SPAG17: variants seen among roughly 807,000 people sequenced by gnomAD.
SPAG17 encodes sperm-associated antigen 17.
Under a neutral mutation model 273.6 loss-of-function variants are expected in SPAG17, and 169 were observed. The observed-to-expected ratio is 0.62, with a 90% CI of 0.55 to 0.70. The LOEUF (loss-of-function observed/expected upper bound fraction) is 0.70. SPAG17 is among the 30% of genes least tolerant of loss of function. The probability of loss-of-function intolerance (pLI) is 0.00; values close to 1 mark genes in which losing one functional copy is unlikely to be tolerated. For synonymous variants in SPAG17, 825 were observed against 873.2 expected (o/e 0.94, Z 0.97); for missense variants, 2,557 against 2,627.8 (o/e 0.97, Z 0.59).
At chr1:118,077,342 T>C (rs1166476714) in intron 15 of SPAG17, among the ~76,000 whole-genome samples, 1 of 152,062 alleles carries the variant, frequency 6.6e-6, no homozygotes, top group Non-Finnish European at 1.5e-5. Context: ...GAAACACTTA[T>C]GGCCCTGAGA....
chr1:118,033,630 C>A (rs1173863373), intron 24 of SPAG17, among the ~76,000 whole-genome samples: 1 of 152,184 alleles, frequency 6.6e-6, no homozygotes, highest in Non-Finnish European at 1.5e-5. Flanking sequence ...ATGTCACCTC[C>A]CTTACTTAAA....
At chr1:118,165,739 G>A (rs906642745) in intron 1 of SPAG17, among the ~76,000 whole-genome samples, 1 of 138,190 alleles carries the variant, frequency 7.2e-6, no homozygotes, top group African/African-American at 2.8e-5. Context: ...TCCGCCTCCC[G>A]GGTTCACGCC....
At chr1:117,987,596 T>G (rs1172531797) in intron 40 of SPAG17, among the ~76,000 whole-genome samples, 2 of 152,218 alleles carry the variant, frequency 1.3e-5, no homozygotes. Flanking sequence ...TAAAGCACAT[T>G]GAGGGCCTAG....
intron 1 of SPAG17, among the ~76,000 whole-genome samples, chr1:118,182,249 G>A (rs1570843176): frequency 6.6e-6 from 1 of 152,086 alleles, no homozygotes; most frequent in African/African-American, 2.4e-5. Context: ...GTCAAATTTG[G>A]AGAGAAAGAA....
chr1:118,032,813 C>T (rs1382786410), intron 24 of SPAG17, among the ~76,000 whole-genome samples: 2 of 151,922 alleles, frequency 1.3e-5, no homozygotes, highest in South Asian at 4.2e-4. Context: ...AAGCTGGTCT[C>T]GAACTCCTGA....
intron 30 of SPAG17, 147 bp from the exon 31 acceptor site, chr1:118,008,345 A>C: frequency 1.2e-6 from 1 of 821,142 alleles, no homozygotes; most frequent in Non-Finnish European, 1.9e-6. Context: ...AGTACTGAGA[A>C]CTCCACAGGG....
chr1:117,994,529 G>A lies in SPAG17; in HGVS notation c.5055C>T (p.Gly1685=), dbSNP rs1657449779. ...VLQEPVQEQP[G]TLTITVLRPF... ...GGCGAAGGACTGTGATGGTTAGGGTGCCTGGTTCAAAGAAAGTTGTCAGAA... is the reference window on the plus strand; with the variant it reads ...GGCGAAGGACTGTGATGGTTAGGGTACCTGGTTCAAAGAAAGTTGTCAGAA... Residue 1685 remains glycine, a splice_region_variant and synonymous_variant, in exon 35 of 49, where the codon GGC becomes GGT. Coordinates refer to ENST00000336338, the MANE Select transcript of SPAG17 (RefSeq NM_206996.4). 3.1e-6 allele frequency: 5 copies of A among 1,603,778 alleles called. No homozygotes were observed. Among genetic ancestry groups the A allele is most frequent in the Non-Finnish European group, 4.3e-6 (5 of 1,176,324 alleles).
intron 3 of SPAG17, among the ~76,000 whole-genome samples, chr1:118,124,043 T>G (rs1225018531): frequency 6.6e-6 from 1 of 152,234 alleles, no homozygotes; most frequent in Non-Finnish European, 1.5e-5. Flanking sequence ...AAAGCAAAGC[T>G]TCCTTTTTAT....
chr1:117,976,257 T>A (rs1455447210), intron 43 of SPAG17, among the ~76,000 whole-genome samples: 1 of 152,212 alleles, frequency 6.6e-6, no homozygotes, highest in Admixed American at 6.5e-5. Flanking sequence ...GATTACCAGC[T>A]GACACAGAGG....
chr1:117,956,676 A>G (rs2101277737), intron 48 of SPAG17, among the ~76,000 whole-genome samples: 1 of 152,226 alleles, frequency 6.6e-6, no homozygotes, highest in African/African-American at 2.4e-5. Flanking sequence ...AAAATTAGCA[A>G]AATTAAAATA....
intron 4 of SPAG17, among the ~76,000 whole-genome samples, chr1:118,104,113 C>T (rs1656245805): frequency 6.6e-6 from 1 of 152,028 alleles, no homozygotes; most frequent in African/African-American, 2.4e-5. Context: ...GATTGGAAAC[C>T]AGAAGACTAG....
chr1:118,176,253 T>C (rs1660691966), intron 1 of SPAG17, among the ~76,000 whole-genome samples: 1 of 152,094 alleles, frequency 6.6e-6, no homozygotes, highest in Non-Finnish European at 1.5e-5. Context: ...TGACTATAAA[T>C]TGACTCAATT....
chr1:118,107,361 C>T (rs2102235815), intron 4 of SPAG17, among the ~76,000 whole-genome samples: 1 of 152,234 alleles, frequency 6.6e-6, no homozygotes, highest in East Asian at 1.9e-4. Context: ...CTGCTCACTT[C>T]CCTTTCTCTC....
At chr1:118,045,278 A>C (rs910359099) in intron 20 of SPAG17, among the ~76,000 whole-genome samples, 1 of 152,190 alleles carries the variant, frequency 6.6e-6, no homozygotes, top group African/African-American at 2.4e-5. Context: ...CCAAACCTTA[A>C]TTAGAAGTTT....
chr1:118,044,070 G>A (rs1650070834), intron 20 of SPAG17, among the ~76,000 whole-genome samples: 1 of 152,048 alleles, frequency 6.6e-6, no homozygotes, highest in African/African-American at 2.4e-5. Context: ...AATATTATAT[G>A]CTTTATTATT....
chr1:118,170,371 T>A (rs1570819690), intron 1 of SPAG17, among the ~76,000 whole-genome samples: 1 of 152,118 alleles, frequency 6.6e-6, no homozygotes, highest in African/African-American at 2.4e-5. Context: ...AGAGAGATCC[T>A]AGAACCAAGG....
At chr1:118,131,370 T>A (rs1658043418) in intron 3 of SPAG17, among the ~76,000 whole-genome samples, 1 of 152,224 alleles carries the variant, frequency 6.6e-6, no homozygotes, top group Non-Finnish European at 1.5e-5. Flanking sequence ...CAGATTTTTA[T>A]TCAAGTGTCA....
At chr1:118,070,326 T>C (rs956776640) in intron 17 of SPAG17, among the ~76,000 whole-genome samples, 9 of 152,224 alleles carry the variant, frequency 5.9e-5, no homozygotes, top group Non-Finnish European at 1.3e-4. Flanking sequence ...ATGGAAATAC[T>C]AGTCACCTCT....
At chr1:118,063,218 G>A (rs1304951801) in intron 18 of SPAG17, among the ~76,000 whole-genome samples, 1 of 152,120 alleles carries the variant, frequency 6.6e-6, no homozygotes, top group Non-Finnish European at 1.5e-5. Flanking sequence ...TTTCTTCACA[G>A]AATTGGAAAA....
Sources: allele counts gnomAD v4.1 joint callset (sites outside exome capture counted in the v4.1 genomes callset), GRCh38; gene constraint gnomAD v4.1.1; transcripts MANE v1.5; gene names NCBI Gene and HGNC (gene_info 2026-07-23, HGNC 2026-07-21).